Variants in NELL2 observed in about 807,000 individuals in gnomAD.
The protein encoded by NELL2 is protein kinase C-binding protein NELL2.
Under a neutral mutation model 109.6 loss-of-function variants are expected in NELL2, and 41 were observed. The ratio of observed to expected loss-of-function variants is 0.37; its 90% CI spans 0.29 to 0.49. NELL2 has a LOEUF of 0.49. Among genes scored for constraint, NELL2 ranks in the 20% least tolerant of loss-of-function variants. The pLI, the probability that NELL2 is intolerant of heterozygous loss-of-function variation, is 0.98. For missense variants in NELL2, 900 were observed against 1,008.3 expected, an observed-to-expected ratio of 0.89 and a Z score of 1.45; for synonymous variants, 355 against 344.7, an observed-to-expected ratio of 1.03 and a Z score of -0.33.
intron 9 of NELL2, among the ~76,000 whole-genome samples, chr12:44,728,093 T>TA (rs1037540204): frequency 7.3e-5 from 11 of 151,342 alleles, no homozygotes; most frequent in Middle Eastern, 3.4e-3. Context: ...CTCAGCCTAA[T>TA]AAAAAAAATA....
chr12:44,909,958 T>C (rs959140611), intron 1 of NELL2, among the ~76,000 whole-genome samples: 3 of 151,838 alleles, frequency 2.0e-5, no homozygotes, highest in Admixed American at 6.6e-5. Context: ...CCCTTATCTT[T>C]TACCACATAC....
intron 15 of NELL2, among the ~76,000 whole-genome samples, chr12:44,563,258 A>C (rs1943537309): frequency 6.6e-6 from 1 of 152,122 alleles, no homozygotes; most frequent in African/African-American, 2.4e-5. Flanking sequence ...GCACATGTAT[A>C]CCTATGTAAC....
intron 9 of NELL2, among the ~76,000 whole-genome samples, chr12:44,734,561 T>C (rs1268628433): frequency 6.6e-6 from 1 of 151,964 alleles, no homozygotes; most frequent in Non-Finnish European, 1.5e-5. Flanking sequence ...CTTTTACTTA[T>C]TTTGAATTAA....
chr12:44,582,204 TAAGAA>T (rs1170533542), intron 15 of NELL2, among the ~76,000 whole-genome samples: 1 of 151,970 alleles, frequency 6.6e-6, no homozygotes, highest in African/African-American at 2.4e-5. Flanking sequence ...AAGAGTGGAG[TAAGAA>T]AAACATTCTA....
Position 44,508,806 on chromosome 12 carries a change from G to A in NELL2, c.*128C>T, listed in dbSNP as rs577562350. On this transcript the variant is annotated 3_prime_UTR_variant, in exon 20 of 20. Coordinates refer to ENST00000429094, the MANE Select transcript of NELL2 (RefSeq NM_001145108.2). ...AGCTCCACAAATTTCATAATTGAAA[G>A]TTCACTCAGCTATTAACAAAGCTGC... The A allele has an allele frequency of 5.2e-5, 39 of 749,892 alleles. No individual in the cohort carries two copies. In the South Asian group the frequency reaches 5.4e-4, roughly 10 times the overall value. 46.5% of individuals were successfully genotyped at this position (749,892 alleles called of 1,614,324 possible).
intron 3 of NELL2, among the ~76,000 whole-genome samples, chr12:44,788,321 A>G (rs972670031): frequency 2.0e-5 from 3 of 152,144 alleles, no homozygotes; most frequent in African/African-American, 7.2e-5. Flanking sequence ...GACACCGGAG[A>G]CACTCCAAAC....
intron 2 of NELL2, among the ~76,000 whole-genome samples, chr12:44,867,578 G>A (rs891809101): frequency 3.9e-5 from 6 of 152,184 alleles, no homozygotes; most frequent in Non-Finnish European, 8.8e-5. Context: ...AGACAAGGAT[G>A]CCCAATCTTG....
chr12:44,554,430 CA>C (rs1318432801), intron 15 of NELL2, among the ~76,000 whole-genome samples: 3 of 151,994 alleles, frequency 2.0e-5, no homozygotes, highest in Non-Finnish European at 2.9e-5. Context: ...GAAAGCAAAT[CA>C]GGGGTTGTCT....
At chr12:44,683,627 GA>G (rs1948607311) in intron 12 of NELL2, among the ~76,000 whole-genome samples, 2 of 152,048 alleles carry the variant, frequency 1.3e-5, no homozygotes, top group African/African-American at 4.8e-5. Flanking sequence ...TTTTTAGCAT[GA>G]AGGGTTGCTG....
chr12:44,803,785 C>A (rs984075666), intron 3 of NELL2, among the ~76,000 whole-genome samples: 1 of 151,846 alleles, frequency 6.6e-6, no homozygotes, highest in African/African-American at 2.4e-5. Flanking sequence ...TCAATTCAGA[C>A]ACAAATAACT....
At chr12:44,897,885 A>C (rs546820670) in intron 1 of NELL2, among the ~76,000 whole-genome samples, 1 of 152,328 alleles carries the variant, frequency 6.6e-6, no homozygotes, top group African/African-American at 2.4e-5. Flanking sequence ...TCTTGCTGCC[A>C]GCCCAGCAGT....
At chr12:44,681,136 T>G (rs944763637) in intron 12 of NELL2, among the ~76,000 whole-genome samples, 7 of 151,156 alleles carry the variant, frequency 4.6e-5, no homozygotes, top group Non-Finnish European at 1.0e-4. Flanking sequence ...ATTCATTGGA[T>G]AGTCATACAT....
At chr12:44,904,995 G>C (rs1310054470) in intron 1 of NELL2, among the ~76,000 whole-genome samples, 1 of 151,998 alleles carries the variant, frequency 6.6e-6, no homozygotes, top group South Asian at 2.1e-4. Flanking sequence ...AAAGTAACCT[G>C]AACACCAATG....
intron 16 of NELL2, among the ~76,000 whole-genome samples, chr12:44,529,904 T>A (rs1941963815): frequency 6.6e-6 from 1 of 152,208 alleles, no homozygotes; most frequent in Non-Finnish European, 1.5e-5. Flanking sequence ...GTCTGTAGAA[T>A]CAGATGATGT....
chr12:44,904,192 A>G (rs1205086544), intron 1 of NELL2, among the ~76,000 whole-genome samples: 1 of 152,092 alleles, frequency 6.6e-6, no homozygotes, highest in African/African-American at 2.4e-5. Context: ...TAATAAATTA[A>G]TTTTAGAAAA....
chr12:44,615,397 T>C (rs1475234531), intron 13 of NELL2, among the ~76,000 whole-genome samples: 8 of 152,120 alleles, frequency 5.3e-5, no homozygotes, highest in Non-Finnish European at 7.4e-5. Flanking sequence ...ACATATCACA[T>C]ACTTTGTTAC....
At chr12:44,785,502 T>G (rs1305876482) in intron 3 of NELL2, among the ~76,000 whole-genome samples, 1 of 152,144 alleles carries the variant, frequency 6.6e-6, no homozygotes, top group Non-Finnish European at 1.5e-5. Flanking sequence ...ACCATTGACT[T>G]TCCTTCACAG....
In NELL2 at chr12:44,800,655, C is replaced by T. The variant is rs189544488; in HGVS notation, c.335+15331G>A. ...TGATTCTATGCAGTATTTCATTTGG[C>T]TTCCAACCTTTCTCTTACGTTAACA... On this transcript the variant is annotated intron_variant, in intron 3 of 19. Coordinates refer to ENST00000429094, the MANE Select transcript of NELL2 (RefSeq NM_001145108.2). 7.2e-4 allele frequency among the ~76,000 whole-genome samples: 109 copies of T among 152,262 alleles called. 1 individual carries two copies. Among genetic ancestry groups the T allele is most frequent in the Non-Finnish European group, 1.3e-3 (91 of 68,026 alleles).
intron 19 of NELL2, among the ~76,000 whole-genome samples, chr12:44,509,889 G>A (rs1940909128): frequency 6.6e-6 from 1 of 152,100 alleles, no homozygotes; most frequent in African/African-American, 2.4e-5. Context: ...CCTGGAGACT[G>A]CATGAAAAGG....
Sources: gnomAD v4.1 joint callset for allele counts (sites outside exome capture counted in the v4.1 genomes callset) on GRCh38, gnomAD v4.1.1 for gene constraint, MANE v1.5 for transcripts, NCBI Gene and HGNC (gene_info 2026-07-23, HGNC 2026-07-21) for gene names.